The following BTBD3 variants were observed in gnomAD, a reference collection of about 807,000 sequenced individuals.
BTBD3 encodes BTB/POZ domain-containing protein 3.
Under a neutral mutation model 41.6 loss-of-function variants are expected in BTBD3, and 14 were observed. The ratio of observed to expected loss-of-function variants is 0.34; its 90% CI spans 0.22 to 0.53. The LOEUF (loss-of-function observed/expected upper bound fraction) is 0.53, where lower values mean the gene tolerates loss of function less well. BTBD3 is among the 20% of genes least tolerant of loss of function. BTBD3 has a pLI of 0.95. For missense variants in BTBD3, 426 were observed against 654.7 expected (o/e 0.65, Z 3.81); for synonymous variants, 249 against 233.7 (o/e 1.07, Z -0.60).
intron 3 of BTBD3, among the ~76,000 whole-genome samples, chr20:11,920,582 A>G (rs935023054): frequency 4.6e-5 from 7 of 152,332 alleles, no homozygotes; most frequent in African/African-American, 1.7e-4. Context: ...CAGGTTATAG[A>G]ATCAGCTTCT....
chr20:11,923,801 TC>T lies in BTBD3; in HGVS notation c.*136del, dbSNP rs537037507. ...ATGAAGCGGTAGGCAGGTTCTAATT[TC>T]TTTTAACCTTTTAATTATGTACAGG... On this transcript the variant is annotated 3_prime_UTR_variant, in exon 4 of 4. Transcript: ENST00000378226. The surrounding 1 kb of genome is among the most constrained non-coding windows in gnomAD (Gnocchi z 5.3). 587 of 869,222 alleles carry T rather than the reference TC, an allele frequency of 6.8e-4. 5 individuals are homozygous for T. The African/African-American group carries it at 9.2e-3, about 14-fold the overall frequency. 53.8% of individuals were successfully genotyped at this position (869,222 alleles called of 1,614,324 possible). A position where few individuals can be genotyped will look rare whatever the true frequency, so the allele number is the denominator to read the frequency against.
chr20:11,910,727 T>C (rs563730615), intron 1 of BTBD3, among the ~76,000 whole-genome samples: 55 of 152,324 alleles, frequency 3.6e-4, no homozygotes, highest in African/African-American at 1.3e-3. Flanking sequence ...CCCAGAGAGT[T>C]ACAGGCTTAT....
intron 1 of BTBD3, among the ~76,000 whole-genome samples, chr20:11,891,125 C>T (rs981993099): frequency 6.7e-6 from 1 of 150,198 alleles, no homozygotes; most frequent in African/African-American, 2.4e-5. Context: ...CAGAGGATCC[C>T]ATATCCGTCC....
intron 1 of BTBD3, among the ~76,000 whole-genome samples, chr20:11,907,022 AT>A (rs2056859105): frequency 2.6e-5 from 4 of 152,290 alleles, no homozygotes; most frequent in African/African-American, 9.6e-5. Flanking sequence ...TCATTAAATC[AT>A]TAAAATTCTT....
chr20:11,915,679 T>C (rs1416224111), upstream of BTBD3, among the ~76,000 whole-genome samples: 1 of 152,182 alleles, frequency 6.6e-6, no homozygotes, highest in Admixed American at 6.5e-5. Context: ...AATTTTTCTG[T>C]CTTGATTTTA....
At chr20:11,898,502 A>C (rs2056803988) in intron 1 of BTBD3, among the ~76,000 whole-genome samples, 1 of 152,092 alleles carries the variant, frequency 6.6e-6, no homozygotes, top group African/African-American at 2.4e-5. Flanking sequence ...GTTACCTTCT[A>C]AGTTACTATT....
In BTBD3 at chr20:11,908,392, T is replaced by C. The variant is rs543200472; in HGVS notation, c.-125-9942T>C. 7.9e-5 allele frequency among the ~76,000 whole-genome samples: 12 copies of C among 151,236 alleles called. No individual in the cohort carries two copies. In the East Asian group the frequency reaches 2.1e-3, roughly 27 times the overall value. ...ACTCTTTGAAGATGTATTTTGACTT[T>C]AATGTTTTTAATCTGTTTATTATGG... On this transcript the variant is annotated intron_variant, in intron 1 of 4. Coordinates refer to the BTBD3 transcript ENST00000254977.
chr20:11,901,793 G>C (rs900164124), intron 1 of BTBD3, among the ~76,000 whole-genome samples: 2 of 152,094 alleles, frequency 1.3e-5, no homozygotes, highest in African/African-American at 4.8e-5. Context: ...ATATAATGGT[G>C]TTCGGTTTGG....
Position 11,924,829 on chromosome 20 carries a change from G to A in BTBD3, c.*1163G>A, listed in dbSNP as rs1369945452. 9.2e-5 allele frequency: 14 copies of A among 152,594 alleles called. No homozygotes were observed. The highest frequency in any genetic ancestry group is 2.1e-4 in the Non-Finnish European group (14 of 68,042). The allele number at this position is 152,594 out of a possible 1,614,324, so 9.5% of individuals were successfully genotyped here. On this transcript the variant is annotated 3_prime_UTR_variant, in exon 4 of 4. Coordinates refer to ENST00000378226, the MANE Select transcript of BTBD3 (RefSeq NM_014962.4). ...ATCTGGCCCCTGGCCATCTTAAAGT[G>A]CCAACATATGCCTGCAGGGTTTATA...
chr20:11,923,158 C>T lies in BTBD3; in HGVS notation c.1061C>T (p.Ala354Val), dbSNP rs1467977971. 6.2e-7 allele frequency: 1 copy of T among 1,614,086 alleles called. No individual in the cohort carries two copies. Among genetic ancestry groups the T allele is most frequent in the Non-Finnish European group, 8.5e-7 (1 of 1,180,060 alleles). The change falls in exon 4 of 4, where the codon GCA becomes GTA. Residue 354 changes from alanine to valine, a missense_variant. By Grantham distance (64) the Ala-to-Val change is moderately conservative (BLOSUM62 0). Coordinates refer to ENST00000378226, the MANE Select transcript of BTBD3 (RefSeq NM_014962.4). The surrounding 1 kb of genome is among the most constrained non-coding windows in gnomAD (Gnocchi z 5.3). ...ETNDIFLWYT[A>V]AKKPELQFVS... ...AACGACATCTTCCTCTGGTATACTG[C>T]AGCCAAAAAGCCTGAGCTTCAGTTT... is the stretch of plus-strand genomic sequence containing the variant.
In BTBD3 at chr20:11,911,040, G is replaced by T. The variant is rs539069482; in HGVS notation, c.-125-7294G>T. Among the ~76,000 whole-genome samples, 4 of 152,214 alleles carry T rather than the reference G, an allele frequency of 2.6e-5. No individual in the cohort carries two copies. The East Asian group carries it at 5.8e-4, about 22-fold the overall frequency. On this transcript the variant is annotated intron_variant, in intron 1 of 4. Coordinates refer to the BTBD3 transcript ENST00000254977. ...AAATAATTAAGCAACCTAAAAAAAAGATTTCTTTCTTTCTGTTGAATTGTA... is the reference window on the plus strand; with the variant it reads ...AAATAATTAAGCAACCTAAAAAAAATATTTCTTTCTTTCTGTTGAATTGTA...
chr20:11,900,521 G>A (rs780236025), intron 1 of BTBD3, among the ~76,000 whole-genome samples: 3 of 151,668 alleles, frequency 2.0e-5, no homozygotes, highest in Admixed American at 6.6e-5. Context: ...TGAAAGTGGC[G>A]GTCTTGCCTA....
rs528671620 is a variant in BTBD3 at position 11,918,118 on chromosome 20, A to G, written c.-158A>G. 2.7e-6 allele frequency: 4 copies of G among 1,471,638 alleles called. No individual in the cohort carries two copies. The highest frequency in any genetic ancestry group is 2.5e-5 in the Admixed American group (1 of 39,246). 91.2% of individuals were successfully genotyped at this position (1,471,638 alleles called of 1,614,324 possible). A position where few individuals can be genotyped will look rare whatever the true frequency, so the allele number is the denominator to read the frequency against. On this transcript the variant is annotated 5_prime_UTR_variant, in exon 1 of 4. Transcript: ENST00000378226. ...TGGATAAAACTTAAAGCCAGTTTCT[A>G]TTCAACATAGTGAAAAGGTCACCTT...
At chr20:11,901,798 G>C (rs2056825230) in intron 1 of BTBD3, among the ~76,000 whole-genome samples, 4 of 152,114 alleles carry the variant, frequency 2.6e-5, no homozygotes. Flanking sequence ...ATGGTGTTCG[G>C]TTTGGCTTAT....
At chr20:11,899,777 A>C (rs958069582) in intron 1 of BTBD3, among the ~76,000 whole-genome samples, 1 of 152,226 alleles carries the variant, frequency 6.6e-6, no homozygotes, top group Non-Finnish European at 1.5e-5. Flanking sequence ...TAGAGCAAGA[A>C]ACATTTGTAG....
rs1288199074 is a variant in BTBD3, at chr20:11,894,561, CTACTT to C, written c.-126+3610_-126+3614del. Among the ~76,000 whole-genome samples, 10 of 151,426 alleles carry C rather than the reference CTACTT, an allele frequency of 6.6e-5. No individual in the cohort carries two copies. The East Asian group carries it at 1.7e-3, about 26-fold the overall frequency. On this transcript the variant is annotated intron_variant, in intron 1 of 4. Coordinates refer to the BTBD3 transcript ENST00000254977. ...GGAGCTCTCTCTTCTGGTACTTTGCCTACTTTAAAGTGGTGATTTAAAAAAATTAA... is the reference window on the plus strand; with the variant it reads ...GGAGCTCTCTCTTCTGGTACTTTGCCTAAAGTGGTGATTTAAAAAAATTAA...
At chr20:11,915,819 T>C (rs1410905761), upstream of BTBD3, among the ~76,000 whole-genome samples, 1 of 152,214 alleles carries the variant, frequency 6.6e-6, no homozygotes, top group Non-Finnish European at 1.5e-5. Context: ...ACAAAACTTA[T>C]TTTTCTAAAT....
rs530777895 is a variant in BTBD3 at position 11,902,106 on chromosome 20, T to G, written c.-126+11152T>G. Among the ~76,000 whole-genome samples the G allele has an allele frequency of 1.4e-4, 21 of 148,368 alleles. No homozygotes were observed. In the South Asian group the frequency reaches 4.3e-3, roughly 30 times the overall value. ...TGTGTAACTTTTGACTCACAAAAAC[T>G]TAACTAATAGCTTACTGTTGACCAG... On this transcript the variant is annotated intron_variant, in intron 1 of 4. Transcript: ENST00000254977.
chr20:11,914,439 C>T (rs6109182), upstream of BTBD3, among the ~76,000 whole-genome samples: 108,631 of 151,982 alleles, frequency 0.71, 39,209 homozygotes, highest in Non-Finnish European at 0.76. Flanking sequence ...CATGGCTTCT[C>T]TTTCTAGAAA....
Sources: allele counts gnomAD v4.1 joint callset (sites outside exome capture counted in the v4.1 genomes callset), GRCh38; gene constraint gnomAD v4.1.1; non-coding constraint Gnocchi (gnomAD v3.1); transcripts MANE v1.5; gene names NCBI Gene and HGNC (gene_info 2026-07-23, HGNC 2026-07-21).